TRMT11: variants seen among roughly 807,000 people sequenced by gnomAD.
The protein encoded by TRMT11 is tRNA methyltransferase 11.
Under a neutral mutation model 62.8 loss-of-function variants are expected in TRMT11, and 53 were observed. The observed-to-expected ratio is 0.84, with a 90% CI of 0.68 to 1.06. TRMT11 has a LOEUF of 1.06. Among genes scored for constraint, TRMT11 ranks in the 50% least tolerant of loss-of-function variants. The probability of loss-of-function intolerance (pLI) is 0.00; values close to 1 mark genes in which losing one functional copy is unlikely to be tolerated. For missense variants in TRMT11, 556 were observed against 553.4 expected (o/e 1.00, Z -0.05); for synonymous variants, 188 against 190.3 (o/e 0.99, Z 0.10).
At chr6:126,012,729 G>T in intron 9 of TRMT11, 42 bp from the exon 10 acceptor site, 1 of 1,498,902 alleles carries the variant, frequency 6.7e-7, no homozygotes, top group South Asian at 1.1e-5. Flanking sequence ...TCCATGATTT[G>T]GTGACTTTTG....
At chr6:125,994,451 T>A (rs1314881974) in intron 2 of TRMT11, among the ~76,000 whole-genome samples, 2 of 152,194 alleles carry the variant, frequency 1.3e-5, no homozygotes, top group East Asian at 3.8e-4. Flanking sequence ...TATTTTTCAT[T>A]GACTAGCTCT....
At chr6:126,251,281 G>A in the TRMT11 span, among the ~76,000 whole-genome samples, 1 of 151,718 alleles carries the variant, frequency 6.6e-6, no homozygotes, top group Non-Finnish European at 1.5e-5. Context: ...CACCTGCCTC[G>A]GCCTCCCAAA....
chr6:126,152,536 G>C (rs1778071650), intron 21 of TRMT11, among the ~76,000 whole-genome samples: 1 of 152,162 alleles, frequency 6.6e-6, no homozygotes, highest in Non-Finnish European at 1.5e-5. Context: ...TAAATGAAGA[G>C]ATTACTGGGA....
In TRMT11 at chr6:125,999,560, A is replaced by C. The variant is rs778600414; in HGVS notation, c.626A>C (p.Asn209Thr). 1.5e-5 allele frequency: 24 copies of C among 1,612,166 alleles called. No homozygotes were observed. The African/African-American group carries it at 2.8e-4, about 19-fold the overall frequency. ...MDAGLSFIMA[N>T]HGKVKENDIV... ...GCTGGTTTGTCATTCATTATGGCTAACCATGGAAAAGTGAAAGAAAATGAT... is the reference window on the plus strand; with the variant it reads ...GCTGGTTTGTCATTCATTATGGCTACCCATGGAAAAGTGAAAGAAAATGAT... The change falls in exon 7 of 13, where the codon AAC (asparagine) becomes ACC (threonine). Residue 209 changes from asparagine to threonine, a missense_variant. Coordinates refer to ENST00000334379, the MANE Select transcript of TRMT11 (RefSeq NM_001031712.3).
intron 1 of TRMT11, among the ~76,000 whole-genome samples, chr6:126,182,378 TC>T (rs1778477080): frequency 6.6e-6 from 1 of 151,040 alleles, no homozygotes. Flanking sequence ...CTTCTTTTTT[TC>T]CCACTTCTTG....
intron 7 of TRMT11, among the ~76,000 whole-genome samples, chr6:125,999,993 GT>G (rs1038468818): frequency 1.1e-4 from 16 of 152,296 alleles, no homozygotes; most frequent in African/African-American, 3.6e-4. Context: ...TATTCATCCA[GT>G]TTAAATGTAC....
chr6:126,125,374 T>A (rs903532458), intron 21 of TRMT11, among the ~76,000 whole-genome samples: 5 of 151,930 alleles, frequency 3.3e-5, no homozygotes, highest in African/African-American at 1.2e-4. Context: ...CTTTAAAACT[T>A]TTTTTTTCAC....
At chr6:126,109,098 A>G (rs1028902069) in intron 17 of TRMT11, among the ~76,000 whole-genome samples, 1 of 152,176 alleles carries the variant, frequency 6.6e-6, no homozygotes, top group Non-Finnish European at 1.5e-5. Context: ...AATAAGTTGC[A>G]TGCTCAAATA....
the TRMT11 span, among the ~76,000 whole-genome samples, chr6:126,230,108 A>G: frequency 6.6e-6 from 1 of 152,198 alleles, no homozygotes; most frequent in African/African-American, 2.4e-5. Flanking sequence ...ACGTGGAACC[A>G]GTAAATGAGA....
chr6:126,109,581 G>A (rs1191757551), intron 17 of TRMT11, among the ~76,000 whole-genome samples: 3 of 152,128 alleles, frequency 2.0e-5, no homozygotes, highest in Non-Finnish European at 4.4e-5. Flanking sequence ...ATTTTTCAAT[G>A]TACTAAAGTT....
chr6:125,990,235 T>G (rs1280908493), intron 1 of TRMT11, among the ~76,000 whole-genome samples: 1 of 152,160 alleles, frequency 6.6e-6, no homozygotes, highest in Non-Finnish European at 1.5e-5. Context: ...AAAATTTATT[T>G]GAAAAAATAA....
chr6:126,240,650 G>A, the TRMT11 span, among the ~76,000 whole-genome samples: 4 of 152,236 alleles, frequency 2.6e-5, no homozygotes, highest in Admixed American at 2.0e-4. Flanking sequence ...AGGCTGCTCA[G>A]GGGTCAGGGA....
At chr6:126,212,617 G>T in the TRMT11 span, among the ~76,000 whole-genome samples, 1 of 151,934 alleles carries the variant, frequency 6.6e-6, no homozygotes, top group South Asian at 2.1e-4. Context: ...GCCCATTTTT[G>T]ATCAGACTAT....
the TRMT11 span, among the ~76,000 whole-genome samples, chr6:126,228,971 T>TA: frequency 1.8e-3 from 274 of 151,996 alleles, 2 homozygotes; most frequent in African/African-American, 6.1e-3. Context: ...GCTATTATAG[T>TA]AAAAAAAAGA....
At chr6:126,239,917 T>A in the TRMT11 span, among the ~76,000 whole-genome samples, 1 of 152,032 alleles carries the variant, frequency 6.6e-6, no homozygotes, top group Non-Finnish European at 1.5e-5. Context: ...CTTTTTATGC[T>A]TTTTTTTCTA....
At chr6:126,173,814 T>C (rs182523549), upstream of TRMT11, among the ~76,000 whole-genome samples, 135 of 152,308 alleles carry the variant, frequency 8.9e-4, no homozygotes, top group African/African-American at 3.1e-3. Context: ...AGCAGAATTT[T>C]TGATGGTGCA....
chr6:126,154,461 C>T (rs776216695), intron 21 of TRMT11, among the ~76,000 whole-genome samples: 7 of 152,070 alleles, frequency 4.6e-5, no homozygotes, highest in Non-Finnish European at 1.0e-4. Flanking sequence ...TAGAAATTTA[C>T]ACATCACAAC....
At chr6:126,049,559 A>G (rs1183542917) in intron 16 of TRMT11, among the ~76,000 whole-genome samples, 1 of 151,710 alleles carries the variant, frequency 6.6e-6, no homozygotes, top group Non-Finnish European at 1.5e-5. Flanking sequence ...AGGCTTGTCT[A>G]TTGGTGATTG....
intron 17 of TRMT11, among the ~76,000 whole-genome samples, chr6:126,090,308 C>T (rs976316740): frequency 3.9e-5 from 6 of 152,150 alleles, no homozygotes; most frequent in Non-Finnish European, 7.3e-5. Flanking sequence ...ATAGAGTATA[C>T]GTTCAATAGA....
Sources: allele counts gnomAD v4.1 joint callset (sites outside exome capture counted in the v4.1 genomes callset), GRCh38; gene constraint gnomAD v4.1.1; transcripts MANE v1.5; gene names NCBI Gene and HGNC (gene_info 2026-07-23, HGNC 2026-07-21).